SLC44A1: variants seen among roughly 807,000 people sequenced by gnomAD.
SLC44A1 encodes the protein solute carrier family 44 member 1, also known as choline transporter-like protein 1.
A neutral mutation model predicts 79.3 loss-of-function variants in SLC44A1; 26 were observed. That is an observed-to-expected ratio of 0.33 (90% CI 0.24 to 0.46). The LOEUF is 0.46. Ranked by LOEUF, SLC44A1 falls within the 20% of genes least tolerant of loss-of-function variation. The probability of loss-of-function intolerance (pLI) is 1.00; values close to 1 mark genes in which losing one functional copy is unlikely to be tolerated. For missense variants in SLC44A1, 688 were observed against 798.1 expected, an observed-to-expected ratio of 0.86 and a Z score of 1.66; for synonymous variants, 263 against 286.2, an observed-to-expected ratio of 0.92 and a Z score of 0.82.
At position 105,391,126 on chromosome 9, in the gene SLC44A1, C is replaced by T; in HGVS notation, c.*2070C>T. The T allele has an allele frequency of 1.0e-6, 1 of 985,686 alleles. No homozygotes were observed. The highest frequency in any genetic ancestry group is 1.2e-6 in the Non-Finnish European group (1 of 829,890). 61.1% of individuals were successfully genotyped at this position (985,686 alleles called of 1,614,324 possible). ...AAACAGAAGACATTCCAGGAGCTAG[C>T]AATTTTAAGAGGTGTCCCTCCAAAG... On this transcript the variant is annotated 3_prime_UTR_variant, in exon 16 of 16. Transcript: ENST00000374720.
chr9:105,311,819 CT>C (rs1042818474), intron 3 of SLC44A1, among the ~76,000 whole-genome samples: 1 of 152,038 alleles, frequency 6.6e-6, no homozygotes, highest in Non-Finnish European at 1.5e-5. Context: ...AATGAACAGA[CT>C]TTTTTTTACC....
intron 15 of SLC44A1, chr9:105,385,918 T>C (rs1016958799): frequency 3.0e-6 from 3 of 985,290 alleles, no homozygotes; most frequent in African/African-American, 3.5e-5. Context: ...TTCAACTTGC[T>C]AAAATTCATA....
chr9:105,427,662 C>T (rs1829340509), intron 15 of SLC44A1, among the ~76,000 whole-genome samples: 2 of 152,080 alleles, frequency 1.3e-5, no homozygotes, highest in African/African-American at 4.8e-5. Flanking sequence ...ATCTTTGCCA[C>T]CCTGCTAATT....
chr9:105,339,518 C>G (rs187990829), intron 4 of SLC44A1, among the ~76,000 whole-genome samples: 419 of 152,190 alleles, frequency 2.8e-3, no homozygotes, highest in African/African-American at 9.2e-3. Flanking sequence ...GTCGGTAGAC[C>G]AATAAATGGA....
chr9:105,336,037 G>C (rs1264714590), intron 4 of SLC44A1, among the ~76,000 whole-genome samples: 1 of 151,910 alleles, frequency 6.6e-6, no homozygotes, highest in Non-Finnish European at 1.5e-5. Context: ...CCCTTCCCAA[G>C]TATTGGTTAA....
At position 105,390,319 on chromosome 9, in the gene SLC44A1, C is replaced by T. The variant is rs917608392; in HGVS notation, c.*1263C>T. ...AAGAATAATTCATGATCTGTTTATG[C>T]GATAACTCCTTTTTGTTACAATTTT... On this transcript the variant is annotated 3_prime_UTR_variant, in exon 16 of 16. Transcript: ENST00000374720. 14 of 982,934 alleles carry T rather than the reference C, an allele frequency of 1.4e-5. No individual in the cohort carries two copies. Among genetic ancestry groups the T allele is most frequent in the Middle Eastern group, 1.0e-3 (2 of 1,930 alleles). 60.9% of individuals were successfully genotyped at this position (982,934 alleles called of 1,614,324 possible).
intron 4 of SLC44A1, among the ~76,000 whole-genome samples, chr9:105,336,357 T>C (rs1050505888): frequency 6.6e-6 from 1 of 152,206 alleles, no homozygotes; most frequent in Non-Finnish European, 1.5e-5. Context: ...TGAGCAACTT[T>C]GAGGCTAAAG....
At chr9:105,261,038 A>G (rs529928050) in intron 1 of SLC44A1, among the ~76,000 whole-genome samples, 42 of 152,328 alleles carry the variant, frequency 2.8e-4, no homozygotes, top group South Asian at 1.0e-3. Flanking sequence ...AACAAATACA[A>G]CTTGCCAATG....
intron 12 of SLC44A1, among the ~76,000 whole-genome samples, 156 bp from the exon 13 acceptor site, chr9:105,374,442 A>G (rs1205151354): frequency 1.3e-5 from 2 of 152,056 alleles, no homozygotes; most frequent in African/African-American, 4.8e-5. Context: ...TAAATCTTAT[A>G]TTTTCTTGTA....
intron 5 of SLC44A1, among the ~76,000 whole-genome samples, chr9:105,355,706 T>C (rs16924487): frequency 0.1 from 15,244 of 152,236 alleles, 1,950 homozygotes; most frequent in African/African-American, 0.3. Context: ...CCTTTATTAA[T>C]CTGAGATTTT....
chr9:105,367,422 C>T lies in SLC44A1; in HGVS notation c.1494+993C>T, dbSNP rs544127079. ...ACATTCTTATAGGTCATAATATTCC[C>T]TATGGATGTACAAGTGTTTGGAAGC... On this transcript the variant is annotated intron_variant, in intron 12 of 15. Coordinates refer to ENST00000374720, the MANE Select transcript of SLC44A1 (RefSeq NM_080546.5). 3.9e-5 allele frequency among the ~76,000 whole-genome samples: 6 copies of T among 152,242 alleles called. No homozygotes were observed. The South Asian group carries it at 1.0e-3, about 26-fold the overall frequency.
rs1009616235 is a variant in SLC44A1 at position 105,420,230 on chromosome 9, A to C, written c.1951-18051A>C. 3.3e-5 allele frequency among the ~76,000 whole-genome samples: 5 copies of C among 152,234 alleles called. No homozygotes were observed. The South Asian group carries it at 1.0e-3, about 32-fold the overall frequency. On this transcript the variant is annotated intron_variant, in intron 15 of 15. Transcript: ENST00000374724. ...ATCACCCCAAGGTTTTGGCAGGAAC[A>C]GAGGAAAGAGGCCAAATGTCCTATT...
At chr9:105,358,512 A>G (rs1827688768) in intron 7 of SLC44A1, 79 bp downstream of exon 7, 2 of 816,844 alleles carry the variant, frequency 2.4e-6, no homozygotes, top group Non-Finnish European at 4.1e-6. Context: ...AGAAGAAAAT[A>G]AATTATATTT....
Position 105,314,090 on chromosome 9 carries a change from A to G in SLC44A1, c.269+4224A>G, listed in dbSNP as rs12342070. 3.2e-3 allele frequency among the ~76,000 whole-genome samples: 491 copies of G among 152,244 alleles called. 2 individuals carry two copies. Among genetic ancestry groups the G allele is most frequent in the African/African-American group, 0.011 (476 of 41,530 alleles). On this transcript the variant is annotated intron_variant, in intron 3 of 15. Coordinates refer to ENST00000374720, the MANE Select transcript of SLC44A1 (RefSeq NM_080546.5). ...TATTACTAATATTGTTATTATTGCC[A>G]GAGAGGAAGCTCGCTGTCTTCCATA...
In SLC44A1 at chr9:105,392,271, C is replaced by T. The variant is rs891786268; in HGVS notation, c.*3215C>T. 2.0e-6 allele frequency: 2 copies of T among 983,554 alleles called. No homozygotes were observed. The highest frequency in any genetic ancestry group is 2.4e-6 in the Non-Finnish European group (2 of 828,338). 60.9% of individuals were successfully genotyped at this position (983,554 alleles called of 1,614,324 possible). ...ATAATTAAGTCCTAAGTCACTACAA[C>T]TTAAGTAGCTTAACTGTATGTTGGT... On this transcript the variant is annotated 3_prime_UTR_variant, in exon 16 of 16. Transcript: ENST00000374720.
chr9:105,410,277 A>T (rs1829078118), intron 15 of SLC44A1, among the ~76,000 whole-genome samples: 1 of 152,232 alleles, frequency 6.6e-6, no homozygotes, highest in African/African-American at 2.4e-5. Context: ...GGACATAATC[A>T]AAAGTACAAA....
chr9:105,426,592 G>A (rs1159881806), intron 15 of SLC44A1, among the ~76,000 whole-genome samples: 2 of 152,124 alleles, frequency 1.3e-5, no homozygotes, highest in Non-Finnish European at 2.9e-5. Context: ...ATTTACTCAT[G>A]CAGAGTAGAT....
chr9:105,347,528 T>C (rs1225783525), intron 4 of SLC44A1, among the ~76,000 whole-genome samples: 1 of 152,054 alleles, frequency 6.6e-6, no homozygotes, highest in South Asian at 2.1e-4. Context: ...CAATTATCTA[T>C]ACTAAGGAAA....
intron 2 of SLC44A1, among the ~76,000 whole-genome samples, chr9:105,306,090 TTC>T (rs1247558480): frequency 6.6e-6 from 1 of 152,172 alleles, no homozygotes; most frequent in Non-Finnish European, 1.5e-5. Context: ...TCTGTTCCTC[TTC>T]TCTCTCTTAA....
Sources: allele counts gnomAD v4.1 joint callset (sites outside exome capture counted in the v4.1 genomes callset), GRCh38; gene constraint gnomAD v4.1.1; transcripts MANE v1.5; gene names NCBI Gene and HGNC (gene_info 2026-07-23, HGNC 2026-07-21).